Variants in LYPLAL1 observed in about 807,000 individuals in gnomAD.
LYPLAL1 encodes the protein lysophospholipase like 1.
In LYPLAL1, 23 loss-of-function variants were observed where a neutral mutation model predicts 19.7. That is an observed-to-expected ratio of 1.17 (90% CI 0.84 to 1.65). The LOEUF (loss-of-function observed/expected upper bound fraction) is 1.65, where lower values mean the gene tolerates loss of function less well. Among genes scored for constraint, LYPLAL1 ranks in the 40% most tolerant of loss-of-function variants. The pLI is 0.00. For missense variants in LYPLAL1, 355 were observed against 279.4 expected, an observed-to-expected ratio of 1.27 and a Z score of -1.93; for synonymous variants, 119 against 96.3, an observed-to-expected ratio of 1.24 and a Z score of -1.38.
chr1:219,384,730 G>C, the LYPLAL1 span, among the ~76,000 whole-genome samples: 30,965 of 152,060 alleles, frequency 0.2, 3,366 homozygotes, highest in East Asian at 0.28. Flanking sequence ...TGTATTGTTT[G>C]ATCTGTTTTA....
chr1:219,257,854 G>T, the LYPLAL1 span, among the ~76,000 whole-genome samples: 5 of 151,978 alleles, frequency 3.3e-5, no homozygotes. Flanking sequence ...GAATCTGAGG[G>T]TACTGCAGGA....
chr1:219,244,829 C>A, the LYPLAL1 span, among the ~76,000 whole-genome samples: 8 of 150,544 alleles, frequency 5.3e-5, no homozygotes, highest in Admixed American at 1.3e-4. Context: ...TGCCTGTAAT[C>A]CAAGCTACTT....
At chr1:219,274,074 TA>T in the LYPLAL1 span, among the ~76,000 whole-genome samples, 1 of 152,214 alleles carries the variant, frequency 6.6e-6, no homozygotes, top group Non-Finnish European at 1.5e-5. Flanking sequence ...ATGTGTTTTA[TA>T]AAGTTTTGCT....
chr1:219,422,675 A>G, the LYPLAL1 span, among the ~76,000 whole-genome samples: 2 of 152,220 alleles, frequency 1.3e-5, no homozygotes, highest in African/African-American at 4.8e-5. Flanking sequence ...GCCAGGATCA[A>G]CTTAAAATAA....
chr1:219,357,381 A>G, the LYPLAL1 span, among the ~76,000 whole-genome samples: 1 of 152,204 alleles, frequency 6.6e-6, no homozygotes, highest in South Asian at 2.1e-4. Flanking sequence ...CAACAGTAAG[A>G]AAACAAGGAA....
At chr1:219,391,008 TAA>T in the LYPLAL1 span, among the ~76,000 whole-genome samples, 5 of 152,146 alleles carry the variant, frequency 3.3e-5, no homozygotes, top group Non-Finnish European at 7.4e-5. Flanking sequence ...AGCCTACAAA[TAA>T]AGTCTTGGGA....
the LYPLAL1 span, among the ~76,000 whole-genome samples, chr1:219,250,664 A>G: frequency 2.0e-5 from 3 of 152,000 alleles, no homozygotes; most frequent in Non-Finnish European, 4.4e-5. Context: ...ATAGTATTCC[A>G]TGGTGTATAC....
At chr1:219,227,544 G>T in the LYPLAL1 span, among the ~76,000 whole-genome samples, 4 of 152,086 alleles carry the variant, frequency 2.6e-5, no homozygotes, top group African/African-American at 2.4e-5. Context: ...CTTAAATTTA[G>T]TGTGTCCCAT....
the LYPLAL1 span, among the ~76,000 whole-genome samples, chr1:219,328,706 A>G: frequency 1.3e-5 from 2 of 152,180 alleles, no homozygotes; most frequent in Non-Finnish European, 2.9e-5. Flanking sequence ...TATATACAGT[A>G]TCTATATCAA....
At chr1:219,198,841 G>A (rs989309304) in intron 3 of LYPLAL1, 3 of 151,944 alleles carry the variant, frequency 2.0e-5, no homozygotes, top group Admixed American at 6.6e-5. Flanking sequence ...AAAAAGCTAC[G>A]TACATTTTTC....
the LYPLAL1 span, among the ~76,000 whole-genome samples, chr1:219,241,126 C>A: frequency 4.7e-4 from 42 of 89,348 alleles, no homozygotes; most frequent in East Asian, 1.0e-3. Flanking sequence ...CTCTCTCTCT[C>A]TCTCTCTCTA....
At chr1:219,441,981 A>C in the LYPLAL1 span, among the ~76,000 whole-genome samples, 68,723 of 151,880 alleles carry the variant, frequency 0.45, 15,885 homozygotes, top group African/African-American at 0.5. Flanking sequence ...ATAATTCAGA[A>C]ATCAAAAAGC....
chr1:219,180,387 G>A (rs560799866), intron 2 of LYPLAL1, among the ~76,000 whole-genome samples: 4 of 151,976 alleles, frequency 2.6e-5, no homozygotes, highest in South Asian at 2.1e-4. Flanking sequence ...CTTCAAGGAC[G>A]TTTTTATATG....
At chr1:219,286,541 T>C in the LYPLAL1 span, among the ~76,000 whole-genome samples, 1 of 152,208 alleles carries the variant, frequency 6.6e-6, no homozygotes, top group Non-Finnish European at 1.5e-5. Flanking sequence ...AGCATCCTTA[T>C]GTAAAATGCA....
chr1:219,401,760 G>A, the LYPLAL1 span, among the ~76,000 whole-genome samples: 1 of 152,062 alleles, frequency 6.6e-6, no homozygotes, highest in South Asian at 2.1e-4. Flanking sequence ...ATGTAGCTCT[G>A]GTATACCAAA....
At chr1:219,367,387 A>G in the LYPLAL1 span, among the ~76,000 whole-genome samples, 5 of 152,206 alleles carry the variant, frequency 3.3e-5, no homozygotes, top group Non-Finnish European at 5.9e-5. Flanking sequence ...GATTCAGATG[A>G]TTCTGATGGT....
chr1:219,199,230 T>G (rs932331835), intron 3 of LYPLAL1, among the ~76,000 whole-genome samples: 2 of 152,198 alleles, frequency 1.3e-5, no homozygotes, highest in African/African-American at 4.8e-5. Context: ...GAAGATAAGT[T>G]AGAAACTCCT....
intron 2 of LYPLAL1, among the ~76,000 whole-genome samples, chr1:219,188,373 A>G (rs528832790): frequency 1.3e-5 from 2 of 151,838 alleles, no homozygotes; most frequent in South Asian, 2.1e-4. Context: ...AGAAGGTGAC[A>G]CTTGAGCTGA....
the LYPLAL1 span, chr1:219,271,499 G>T: frequency 6.6e-6 from 1 of 151,068 alleles, no homozygotes; most frequent in Admixed American, 6.6e-5. Context: ...TTTTCTGCAT[G>T]CATTGAAGAG....
Sources: allele counts gnomAD v4.1 joint callset (sites outside exome capture counted in the v4.1 genomes callset), GRCh38; gene constraint gnomAD v4.1.1; transcripts MANE v1.5; gene names NCBI Gene and HGNC (gene_info 2026-07-23, HGNC 2026-07-21).